The following PDLIM2 variants were observed in gnomAD, a reference collection of about 807,000 sequenced individuals.
PDLIM2 encodes the protein PDZ and LIM domain protein 2.
In PDLIM2, 51 loss-of-function variants were observed where a neutral mutation model predicts 54.1. That is an observed-to-expected ratio of 0.94 (90% CI 0.75 to 1.19). The LOEUF (loss-of-function observed/expected upper bound fraction) is 1.19. Among genes scored for constraint, PDLIM2 ranks in the 50% most tolerant of loss-of-function variants. The probability of loss-of-function intolerance (pLI) is 0.00; values close to 1 mark genes in which losing one functional copy is unlikely to be tolerated. For synonymous variants in PDLIM2, 398 were observed against 385.6 expected (o/e 1.03, Z -0.38); for missense variants, 912 against 874.0 (o/e 1.04, Z -0.55).
exon 1 of PDLIM2, chr8:22,578,791 G>C: frequency 8.1e-7 from 1 of 1,234,334 alleles, no homozygotes; most frequent in Non-Finnish European, 1.0e-6. Flanking sequence ...TGCGGGGCGG[G>C]AGAGCGCGGC....
At chr8:22,579,492 G>A (rs1300818823) in exon 1 of PDLIM2, 3 of 1,510,394 alleles carry the variant, frequency 2.0e-6, no homozygotes, top group Non-Finnish European at 2.6e-6. Context: ...CCTCCCCGCG[G>A]CGCCCGCAGC....
At chr8:22,596,821 C>G (rs752902001), downstream of PDLIM2, 1 of 152,212 alleles carries the variant, frequency 6.6e-6, no homozygotes, top group East Asian at 1.9e-4. Context: ...CCTCACAACC[C>G]GAGATAGGTA....
intron 8 of PDLIM2, 68 bp downstream of exon 7, chr8:22,589,809 G>A: frequency 1.3e-6 from 2 of 1,537,294 alleles, no homozygotes; most frequent in Non-Finnish European, 1.8e-6. Flanking sequence ...GACTGGATGG[G>A]TCAGTGAACC....
chr8:22,585,045 AGTCCTCCTTAAG>A (rs769331102), exon 5 of PDLIM2: 6 of 1,614,016 alleles, frequency 3.7e-6, no homozygotes, highest in Non-Finnish European at 5.1e-6. Context: ...ACTGAGAGTC[AGTCCTCCTTAAG>A]GTCCTCCTAC....
chr8:22,578,911 C>T, exon 1 of PDLIM2: 1 of 1,237,918 alleles, frequency 8.1e-7, no homozygotes, highest in Non-Finnish European at 1.0e-6. Flanking sequence ...GGCTTGCGGG[C>T]GCTCCGGGGA....
chr8:22,593,446 A>AT, intron 9 of PDLIM2: 3 of 379,672 alleles, frequency 7.9e-6, no homozygotes, highest in Admixed American at 8.5e-5. Flanking sequence ...GTGTGGTCGC[A>AT]CATGCTTGTA....
Position 22,585,012 on chromosome 8 carries a change from C to T in PDLIM2, c.1066-5C>T, listed in dbSNP as rs757459652. On this transcript the variant is annotated splice_polypyrimidine_tract_variant and splice_region_variant and intron_variant, in intron 4 of 9. Coordinates refer to ENST00000308354, the Ensembl canonical transcript of PDLIM2. ...CCTTTCCTGACACAGTCACTCTCTC[C>T]ACAGGGCTCCGTGAGGACATACACT... The T allele has an allele frequency of 6.2e-7, 1 of 1,613,742 alleles. No homozygotes were observed. The highest frequency in any genetic ancestry group is 8.5e-7 in the Non-Finnish European group (1 of 1,179,852).
chr8:22,580,951 CA>C, intron 2 of PDLIM2: 1 of 677,864 alleles, frequency 1.5e-6, no homozygotes, highest in South Asian at 1.5e-5. Context: ...TTGCTATCCC[CA>C]CACTTGCAGG....
intron 1 of PDLIM2, chr8:22,579,823 GC>G (rs934808169): frequency 4.5e-5 from 15 of 335,478 alleles, no homozygotes; most frequent in African/African-American, 3.2e-4. Context: ...GCACTTCCTT[GC>G]CCAGCGGAGG....
rs1221887139 is a variant in PDLIM2, at chr8:22,583,542, G to A, written c.996-1279G>A. Among the ~76,000 whole-genome samples the A allele has an allele frequency of 5.3e-5, 8 of 152,182 alleles. No individual in the cohort carries two copies. In the East Asian group the frequency reaches 1.5e-3, roughly 29 times the overall value. On this transcript the variant is annotated intron_variant, in intron 3 of 9. Coordinates refer to ENST00000308354, the Ensembl canonical transcript of PDLIM2. Reference sequence around the variant, plus strand: ...GCATTTTGGGAGGCCGAGTCGGGCGGATCACCTGAGGTCAGGAGTTCAAGA... The same window carrying A: ...GCATTTTGGGAGGCCGAGTCGGGCGAATCACCTGAGGTCAGGAGTTCAAGA...
downstream of PDLIM2, chr8:22,594,896 A>C: frequency 2.3e-6 from 1 of 429,756 alleles, no homozygotes; most frequent in Non-Finnish European, 4.1e-6. Flanking sequence ...ACTGCATTCC[A>C]GCCTGGGAGA....
intron 6 of PDLIM2, 139 bp from the exon 6 acceptor site, chr8:22,589,159 G>C (rs1285011612): frequency 6.4e-6 from 5 of 775,696 alleles, no homozygotes; most frequent in Non-Finnish European, 1.0e-5. Flanking sequence ...GGCTCCAAGG[G>C]AAGGGGCAGG....
intron 3 of PDLIM2, among the ~76,000 whole-genome samples, chr8:22,583,583 C>T (rs576047139): frequency 1.4e-3 from 217 of 152,020 alleles, no homozygotes; most frequent in Non-Finnish European, 2.5e-3. Flanking sequence ...CTGGCCAATA[C>T]GGCGAAACCC....
chr8:22,579,155 C>T (rs900589201), exon 1 of PDLIM2: 13 of 1,328,992 alleles, frequency 9.8e-6, no homozygotes, highest in Admixed American at 3.8e-5. Flanking sequence ...GCAGCGGGAG[C>T]GGTGGCGTCT....
intron 7 of PDLIM2, 26 bp downstream of exon 6, chr8:22,589,400 G>A: frequency 1.3e-6 from 2 of 1,536,374 alleles, no homozygotes; most frequent in Non-Finnish European, 1.7e-6. Flanking sequence ...GGAGGGTCGG[G>A]TTGGGGTCTT....
At position 22,589,749 on chromosome 8, in the gene PDLIM2, T is replaced by G. The variant is rs754332666; in HGVS notation, c.1513+8T>G. On this transcript the variant is annotated splice_region_variant and intron_variant, in intron 8 of 9. Coordinates refer to ENST00000308354, the Ensembl canonical transcript of PDLIM2. ...TGGAGGCTGAGGAGAGAGGTGAGGG[T>G]CTGGGGGGCTGGGGAGGGGAAGGAG... The G allele has an allele frequency of 3.8e-6, 6 of 1,560,316 alleles. No individual in the cohort carries two copies. The highest frequency in any genetic ancestry group is 8.7e-7 in the Non-Finnish European group (1 of 1,152,112).
At chr8:22,579,598 C>T (rs1800132159) in intron 1 of PDLIM2, 1 of 1,375,444 alleles carries the variant, frequency 7.3e-7, no homozygotes, top group East Asian at 3.1e-5. Context: ...GGAACAGAGG[C>T]TAGGCCTGGG....
Position 22,578,972 on chromosome 8 carries a change from G to A in PDLIM2, c.193G>A (p.Asp65Asn), listed in dbSNP as rs554867706. The change falls in exon 1 of 10, where the codon GAC (aspartate) becomes AAC (asparagine). Residue 65 changes from aspartate (D) to asparagine (N), a missense_variant. Asp to Asn is a conservative substitution (Grantham distance 23, BLOSUM62 1). Transcript: ENST00000308354. ...GTCGCAGCCTGCAGGGGGCCCTGGG[G>A]ACAGCCTGCCTCATCCCCCCGGCGG... 7 of 1,241,432 alleles carry A rather than the reference G, an allele frequency of 5.6e-6. No homozygotes were observed. In the East Asian group the frequency reaches 2.2e-4, roughly 39 times the overall value. 76.9% of individuals were successfully genotyped at this position (1,241,432 alleles called of 1,614,324 possible).
chr8:22,579,711 G>C (rs1330039221), intron 1 of PDLIM2: 1 of 667,616 alleles, frequency 1.5e-6, no homozygotes, highest in Non-Finnish European at 2.3e-6. Flanking sequence ...ATGGGTGCTG[G>C]GCAGGGTGGT....
Sources: gnomAD v4.1 joint callset for allele counts (sites outside exome capture counted in the v4.1 genomes callset) on GRCh38, gnomAD v4.1.1 for gene constraint, MANE v1.5 for transcripts, NCBI Gene and HGNC (gene_info 2026-07-23, HGNC 2026-07-21) for gene names.